ROBO2: variants seen among roughly 807,000 people sequenced by gnomAD.
The protein encoded by ROBO2 is roundabout homolog 2.
ROBO2 carries 53 observed loss-of-function variants against 160.8 expected under a neutral mutation model. The ratio of observed to expected loss-of-function variants is 0.33; its 90% CI spans 0.26 to 0.41. The LOEUF is 0.41. Ranked by LOEUF, ROBO2 falls within the 10% of genes least tolerant of loss-of-function variation. The pLI is 1.00. For synonymous variants in ROBO2, 664 were observed against 611.7 expected, an observed-to-expected ratio of 1.09 and a Z score of -1.26; for missense variants, 1,577 against 1,722.4, an observed-to-expected ratio of 0.92 and a Z score of 1.49.
chr3:77,049,335 A>G (rs2064996660), intron 1 of ROBO2, among the ~76,000 whole-genome samples: 2 of 152,112 alleles, frequency 1.3e-5, no homozygotes, highest in Admixed American at 6.6e-5. Context: ...CCACACACAC[A>G]CTCACACAAA....
At chr3:77,140,613 G>T (rs374936786) in intron 2 of ROBO2, among the ~76,000 whole-genome samples, 3 of 151,912 alleles carry the variant, frequency 2.0e-5, no homozygotes, top group African/African-American at 7.3e-5. Context: ...GTGCTCCAAG[G>T]GTCCTAGGGT....
At chr3:76,275,301 C>CT (rs1707856014) in intron 2 of ROBO2, among the ~76,000 whole-genome samples, 1 of 151,966 alleles carries the variant, frequency 6.6e-6, no homozygotes, top group Admixed American at 6.6e-5. Context: ...TTTTTTAATA[C>CT]TTTAAGTTTT....
chr3:76,619,130 G>A (rs1199914189), intron 2 of ROBO2, among the ~76,000 whole-genome samples: 1 of 151,622 alleles, frequency 6.6e-6, no homozygotes, highest in African/African-American at 2.4e-5. Flanking sequence ...CACGAGGTCA[G>A]GAGATCGAGA....
chr3:76,439,457 A>C (rs9882550), intron 2 of ROBO2, among the ~76,000 whole-genome samples: 19,372 of 152,022 alleles, frequency 0.13, 2,322 homozygotes, highest in African/African-American at 0.32. Context: ...TCGGGAAGAT[A>C]AGAGAAGGTG....
intron 5 of ROBO2, among the ~76,000 whole-genome samples, chr3:77,512,574 G>T (rs985069635): frequency 1.3e-5 from 2 of 151,784 alleles, no homozygotes; most frequent in African/African-American, 2.4e-5. Flanking sequence ...ATCAGTACAG[G>T]GTTCCATAAG....
chr3:76,381,670 G>T (rs2076631087), intron 2 of ROBO2, among the ~76,000 whole-genome samples: 1 of 152,068 alleles, frequency 6.6e-6, no homozygotes, highest in South Asian at 2.1e-4. Flanking sequence ...TGTTGAATAT[G>T]TAGACTATCA....
At chr3:76,615,288 A>G (rs1331932685) in intron 2 of ROBO2, among the ~76,000 whole-genome samples, 1 of 152,104 alleles carries the variant, frequency 6.6e-6, no homozygotes, top group Non-Finnish European at 1.5e-5. Context: ...TTAACCCACA[A>G]GCAATTATAA....
At chr3:77,438,164 C>A (rs199847189) in intron 2 of ROBO2, among the ~76,000 whole-genome samples, 1 of 79,826 alleles carries the variant, frequency 1.3e-5, no homozygotes, top group Non-Finnish European at 3.5e-5. Flanking sequence ...CTCTCTGTCT[C>A]TCTCGGCCTC....
At chr3:77,291,385 C>T (rs573090449) in intron 2 of ROBO2, among the ~76,000 whole-genome samples, 1 of 151,382 alleles carries the variant, frequency 6.6e-6, no homozygotes, top group South Asian at 2.1e-4. Flanking sequence ...GGCTACATCA[C>T]CCCAGACATA....
At chr3:77,005,541 T>G (rs2061538528) in intron 2 of ROBO2, among the ~76,000 whole-genome samples, 1 of 152,168 alleles carries the variant, frequency 6.6e-6, no homozygotes, top group Non-Finnish European at 1.5e-5. Flanking sequence ...AGAAAGAAGT[T>G]TTATTTAAAG....
At chr3:76,671,606 C>T (rs2092264630) in intron 2 of ROBO2, among the ~76,000 whole-genome samples, 1 of 151,998 alleles carries the variant, frequency 6.6e-6, no homozygotes, top group Non-Finnish European at 1.5e-5. Flanking sequence ...TGCTTAGCAA[C>T]ACAACATTGA....
chr3:77,416,205 C>T (rs1020810740), intron 2 of ROBO2, among the ~76,000 whole-genome samples: 6 of 152,118 alleles, frequency 3.9e-5, no homozygotes, highest in Admixed American at 3.9e-4. Context: ...CCAATGTGTG[C>T]CTGAGTCTGG....
intron 2 of ROBO2, among the ~76,000 whole-genome samples, chr3:76,042,715 A>G (rs976558778): frequency 2.1e-4 from 32 of 152,138 alleles, no homozygotes; most frequent in African/African-American, 7.2e-4. Context: ...TTAAAAATCA[A>G]CTCATGACTT....
At chr3:76,791,166 C>T (rs1370102355) in intron 2 of ROBO2, among the ~76,000 whole-genome samples, 1 of 151,668 alleles carries the variant, frequency 6.6e-6, no homozygotes, top group Non-Finnish European at 1.5e-5. Context: ...GTTGGAATGA[C>T]TTGGAGTGTC....
At chr3:76,363,850 ACT>A (rs2075663611) in intron 2 of ROBO2, among the ~76,000 whole-genome samples, 1 of 151,550 alleles carries the variant, frequency 6.6e-6, no homozygotes, top group Non-Finnish European at 1.5e-5. Flanking sequence ...TTTATCCAAC[ACT>A]CTCTTTAAAT....
chr3:76,348,703 C>G (rs1210870904), intron 2 of ROBO2, among the ~76,000 whole-genome samples: 1 of 152,060 alleles, frequency 6.6e-6, no homozygotes. Flanking sequence ...TCTCCATCTC[C>G]CCTTCCTCCT....
chr3:77,489,701 A>C (rs567853069), intron 4 of ROBO2, among the ~76,000 whole-genome samples: 1 of 152,356 alleles, frequency 6.6e-6, no homozygotes, highest in African/African-American at 2.4e-5. Flanking sequence ...GCCTGAAAAT[A>C]TAAGTATTTT....
chr3:76,308,825 G>A (rs1374735154), intron 2 of ROBO2, among the ~76,000 whole-genome samples: 1 of 152,074 alleles, frequency 6.6e-6, no homozygotes, highest in Non-Finnish European at 1.5e-5. Flanking sequence ...GCTGTGACCT[G>A]GTGTCTACTA....
At chr3:76,378,885 G>T (rs898842439) in intron 2 of ROBO2, among the ~76,000 whole-genome samples, 1 of 152,178 alleles carries the variant, frequency 6.6e-6, no homozygotes, top group Non-Finnish European at 1.5e-5. Context: ...AAAAAAATTC[G>T]AAAGAACTTG....
Sources: gnomAD v4.1 joint callset for allele counts (sites outside exome capture counted in the v4.1 genomes callset) on GRCh38, gnomAD v4.1.1 for gene constraint, MANE v1.5 for transcripts, NCBI Gene and HGNC (gene_info 2026-07-23, HGNC 2026-07-21) for gene names.